KCNC2: variants seen among roughly 807,000 people sequenced by gnomAD.
KCNC2 encodes potassium voltage-gated channel subfamily C member 2, also known as voltage-gated potassium channel KCNC2.
A neutral mutation model predicts 44.5 loss-of-function variants in KCNC2; 21 were observed. The ratio of observed to expected loss-of-function variants is 0.47; its 90% CI spans 0.33 to 0.68. The LOEUF (loss-of-function observed/expected upper bound fraction) is 0.68, where lower values mean the gene tolerates loss of function less well. Among genes scored for constraint, KCNC2 ranks in the 30% least tolerant of loss-of-function variants. KCNC2 has a pLI of 0.01. For missense variants in KCNC2, 589 were observed against 826.2 expected, an observed-to-expected ratio of 0.71 and a Z score of 3.52; for synonymous variants, 391 against 339.1, an observed-to-expected ratio of 1.15 and a Z score of -1.68.
rs183353904 is a variant in KCNC2, at chr12:75,104,562, G to T, written c.688-53245C>A. Among the ~76,000 whole-genome samples, 15 of 152,110 alleles carry T rather than the reference G, an allele frequency of 9.9e-5. No homozygotes were observed. In the East Asian group the frequency reaches 2.9e-3, roughly 30 times the overall value. ...TGAGTATATTCAAATGAGTTCAGTAGCCGCCAATATACTTTAATTCTGAGC... is the reference window on the plus strand; with the variant it reads ...TGAGTATATTCAAATGAGTTCAGTATCCGCCAATATACTTTAATTCTGAGC... On this transcript the variant is annotated intron_variant, in intron 2 of 4. Transcript: ENST00000549446.
intron 2 of KCNC2, among the ~76,000 whole-genome samples, chr12:75,081,373 T>G (rs1470812358): frequency 6.7e-6 from 1 of 149,644 alleles, no homozygotes. Flanking sequence ...ACTGCCATTC[T>G]TTTTTTTTTC....
chr12:75,151,883 T>C (rs1287036111), intron 2 of KCNC2, among the ~76,000 whole-genome samples: 3 of 146,172 alleles, frequency 2.1e-5, no homozygotes, highest in South Asian at 4.2e-4. Context: ...ACCTAGAATG[T>C]AGTAGAAAGG....
At chr12:75,093,407 T>C (rs1239244269) in intron 2 of KCNC2, among the ~76,000 whole-genome samples, 1 of 151,470 alleles carries the variant, frequency 6.6e-6, no homozygotes, top group Non-Finnish European at 1.5e-5. Context: ...AAGCTAGAGG[T>C]CCTGCAAACC....
chr12:75,198,700 G>A (rs2030984558), intron 2 of KCNC2, among the ~76,000 whole-genome samples: 1 of 151,594 alleles, frequency 6.6e-6, no homozygotes, highest in African/African-American at 2.4e-5. Context: ...TTCACTTTTA[G>A]CAAATAGCAT....
At chr12:75,152,239 A>T (rs942007158) in intron 2 of KCNC2, among the ~76,000 whole-genome samples, 1 of 151,076 alleles carries the variant, frequency 6.6e-6, no homozygotes, top group Non-Finnish European at 1.5e-5. Flanking sequence ...AGAATTAATA[A>T]AAATAAATAC....
intron 2 of KCNC2, among the ~76,000 whole-genome samples, chr12:75,064,955 A>G (rs1325540254): frequency 6.6e-6 from 1 of 152,028 alleles, no homozygotes; most frequent in East Asian, 1.9e-4. Flanking sequence ...GTGTGTGTGT[A>G]GCATAGCACC....
chr12:75,110,558 G>C (rs946606838), intron 2 of KCNC2, among the ~76,000 whole-genome samples: 1 of 152,050 alleles, frequency 6.6e-6, no homozygotes, highest in Non-Finnish European at 1.5e-5. Flanking sequence ...GACCAGGACC[G>C]GAGATCTTGG....
At chr12:75,104,200 C>T (rs1263700240) in intron 2 of KCNC2, among the ~76,000 whole-genome samples, 5 of 152,168 alleles carry the variant, frequency 3.3e-5, no homozygotes, top group Non-Finnish European at 5.9e-5. Flanking sequence ...CCCGGATCAT[C>T]GAGCCATGAC....
chr12:75,050,844 A>G lies in KCNC2; in HGVS notation c.1161T>C (p.Ile387=). Reference sequence around the variant, plus strand: ...ATATCAAAACTCCTAGAGCCAGGAAAATTATCAGCAGCAAAAATTCATTAG... The same window carrying G: ...ATATCAAAACTCCTAGAGCCAGGAAGATTATCAGCAGCAAAAATTCATTAG... ...ASTNEFLLLI[I]FLALGVLIFA... Residue 387 remains isoleucine, a synonymous_variant, in exon 3 of 5, where the codon ATT becomes ATC. Transcript: ENST00000549446. The G allele has an allele frequency of 6.2e-7, 1 of 1,613,560 alleles. No individual in the cohort carries two copies. Among genetic ancestry groups the G allele is most frequent in the Non-Finnish European group, 8.5e-7 (1 of 1,179,850 alleles).
chr12:75,049,335 C>A (rs950241879), intron 3 of KCNC2, among the ~76,000 whole-genome samples: 4 of 151,988 alleles, frequency 2.6e-5, no homozygotes, highest in Non-Finnish European at 4.4e-5. Flanking sequence ...TATGCAAAAT[C>A]ATTCACATAA....
Position 75,042,052 on chromosome 12 carries a change from G to T in KCNC2, c.*1053C>A. On this transcript the variant is annotated 3_prime_UTR_variant, in exon 5 of 5. Coordinates refer to ENST00000549446, the MANE Select transcript of KCNC2 (RefSeq NM_139137.4). The stretch of plus-strand genomic sequence containing the variant: ...TAATCTTTTGACTCAGGAATTTAAG[G>T]CTAGTCAAAAAAGCCTTCTGTGAAC... 4.3e-6 allele frequency: 5 copies of T among 1,161,272 alleles called. No individual in the cohort carries two copies. Among genetic ancestry groups the T allele is most frequent in the Admixed American group, 4.5e-5 (1 of 22,458 alleles). The allele number at this position is 1,161,272 out of a possible 1,614,324, so 71.9% of individuals were successfully genotyped here.
intron 2 of KCNC2, among the ~76,000 whole-genome samples, chr12:75,107,026 T>A (rs2471636): frequency 6.6e-6 from 1 of 151,574 alleles, no homozygotes; most frequent in East Asian, 1.9e-4. Flanking sequence ...TCATGGGGGC[T>A]GGGCGTGGTG....
At chr12:75,158,098 G>T (rs1890881061) in intron 2 of KCNC2, among the ~76,000 whole-genome samples, 1 of 151,752 alleles carries the variant, frequency 6.6e-6, no homozygotes, top group Non-Finnish European at 1.5e-5. Context: ...TCAGTAGGAG[G>T]CTTATTTGTG....
intron 2 of KCNC2, among the ~76,000 whole-genome samples, chr12:75,086,600 T>A (rs965401269): frequency 2.0e-5 from 3 of 148,960 alleles, no homozygotes; most frequent in African/African-American, 7.4e-5. Context: ...GGATAAGAGA[T>A]ATTTTTAGTT....
rs956284337 is a variant in KCNC2 at position 75,058,842 on chromosome 12, C to A, written c.688-7525G>T. Among the ~76,000 whole-genome samples, 8 of 152,018 alleles carry A rather than the reference C, an allele frequency of 5.3e-5. No individual in the cohort carries two copies. In the South Asian group the frequency reaches 8.3e-4, roughly 16 times the overall value. Reference sequence around the variant, plus strand: ...TTTCCATCCAGCTATGGGAGCTAGACCCACCTGTAGCTCCAATGAAGCCCC... The same window carrying A: ...TTTCCATCCAGCTATGGGAGCTAGAACCACCTGTAGCTCCAATGAAGCCCC... On this transcript the variant is annotated intron_variant, in intron 2 of 4. Transcript: ENST00000549446.
intron 2 of KCNC2, among the ~76,000 whole-genome samples, chr12:75,197,088 C>A (rs982920221): frequency 6.6e-6 from 1 of 151,982 alleles, no homozygotes. Flanking sequence ...GGGGTGAGAC[C>A]TGAGTTGCAC....
chr12:75,062,251 C>T (rs1407625064), intron 2 of KCNC2, among the ~76,000 whole-genome samples: 1 of 151,994 alleles, frequency 6.6e-6, no homozygotes, highest in African/African-American at 2.4e-5. Flanking sequence ...ATCTTCAACT[C>T]AACTGATCAG....
intron 2 of KCNC2, among the ~76,000 whole-genome samples, chr12:75,095,576 T>A (rs561401036): frequency 2.6e-5 from 4 of 151,786 alleles, no homozygotes; most frequent in African/African-American, 9.7e-5. Flanking sequence ...CATGTTATTT[T>A]ACTACAGAAA....
At chr12:75,157,305 C>A (rs1173432816) in intron 2 of KCNC2, among the ~76,000 whole-genome samples, 2 of 151,812 alleles carry the variant, frequency 1.3e-5, no homozygotes, top group African/African-American at 2.4e-5. Context: ...CTCTGTATAT[C>A]ATGGCTGGAA....
Sources: allele counts gnomAD v4.1 joint callset (sites outside exome capture counted in the v4.1 genomes callset), GRCh38; gene constraint gnomAD v4.1.1; transcripts MANE v1.5; gene names NCBI Gene and HGNC (gene_info 2026-07-23, HGNC 2026-07-21).